The following LUZP2 variants were observed in gnomAD, a reference collection of about 807,000 sequenced individuals.
LUZP2 encodes leucine zipper protein 2.
In LUZP2, 52 loss-of-function variants were observed where a neutral mutation model predicts 51.6. The ratio of observed to expected loss-of-function variants is 1.01; its 90% confidence interval spans 0.81 to 1.27. LUZP2 has a LOEUF of 1.27. Among genes scored for constraint, LUZP2 ranks in the 50% most tolerant of loss-of-function variants. The pLI is 0.00. For missense variants in LUZP2, 436 were observed against 395.4 expected (o/e 1.10, Z -0.87); for synonymous variants, 154 against 137.3 (o/e 1.12, Z -0.85).
intron 1 of LUZP2, among the ~76,000 whole-genome samples, chr11:24,645,393 T>G (rs1855432811): frequency 6.6e-6 from 1 of 152,184 alleles, no homozygotes; most frequent in Non-Finnish European, 1.5e-5. Flanking sequence ...TGGTATTGAA[T>G]TATATGGTAT....
At chr11:24,937,923 G>GA (rs906306894) in intron 7 of LUZP2, among the ~76,000 whole-genome samples, 36 of 149,080 alleles carry the variant, frequency 2.4e-4, no homozygotes, top group Admixed American at 5.4e-4. Flanking sequence ...AAGAAAGAAA[G>GA]AAAAAAAAAT....
chr11:24,715,402 T>G (rs1858005827), intron 1 of LUZP2, among the ~76,000 whole-genome samples: 1 of 151,962 alleles, frequency 6.6e-6, no homozygotes, highest in African/African-American at 2.4e-5. Flanking sequence ...GACCATGCCC[T>G]TCAAGAGTTT....
chr11:24,643,593 G>T (rs77484761), intron 1 of LUZP2, among the ~76,000 whole-genome samples: 2,954 of 152,140 alleles, frequency 0.019, 98 homozygotes, highest in African/African-American at 0.068. Flanking sequence ...TAAGGCCTAC[G>T]CATCATGTAA....
intron 5 of LUZP2, among the ~76,000 whole-genome samples, chr11:24,808,216 C>A (rs1310128672): frequency 6.6e-6 from 1 of 152,118 alleles, no homozygotes; most frequent in East Asian, 1.9e-4. Flanking sequence ...AACATAGGTG[C>A]TAGCATCATG....
chr11:24,718,234 G>C (rs1332229858), intron 1 of LUZP2, among the ~76,000 whole-genome samples: 1 of 152,156 alleles, frequency 6.6e-6, no homozygotes, highest in Non-Finnish European at 1.5e-5. Flanking sequence ...GCTAATCTCA[G>C]AGTGGTTGTT....
intron 1 of LUZP2, among the ~76,000 whole-genome samples, chr11:24,595,207 A>G (rs959799185): frequency 2.7e-5 from 4 of 150,330 alleles, no homozygotes; most frequent in African/African-American, 9.8e-5. Context: ...TGTAGGTCAC[A>G]GTTTGCAAGC....
chr11:24,663,778 G>A (rs907431926), intron 1 of LUZP2, among the ~76,000 whole-genome samples: 46 of 152,170 alleles, frequency 3.0e-4, no homozygotes, highest in Admixed American at 5.2e-4. Flanking sequence ...CTATTCTCGT[G>A]CTAGTAAGTT....
At chr11:25,074,831 A>G (rs1414808310) in intron 10 of LUZP2, among the ~76,000 whole-genome samples, 1 of 152,182 alleles carries the variant, frequency 6.6e-6, no homozygotes, top group Non-Finnish European at 1.5e-5. Flanking sequence ...TTATGTGATC[A>G]GATCATTCAA....
intron 1 of LUZP2, among the ~76,000 whole-genome samples, chr11:24,627,946 T>C (rs1334545142): frequency 6.6e-6 from 1 of 152,166 alleles, no homozygotes; most frequent in Admixed American, 6.5e-5. Context: ...ATATTTTAAA[T>C]AGGCTAATCA....
intron 10 of LUZP2, among the ~76,000 whole-genome samples, chr11:25,059,097 A>ATT (rs1327761492): frequency 3.3e-5 from 5 of 152,134 alleles, no homozygotes; most frequent in South Asian, 2.1e-4. Context: ...TTTGTCATAA[A>ATT]TAGTTTTTGT....
chr11:24,515,257 G>T (rs1181003079), intron 1 of LUZP2, among the ~76,000 whole-genome samples: 2 of 151,960 alleles, frequency 1.3e-5, no homozygotes, highest in African/African-American at 4.8e-5. Flanking sequence ...GGAGAGAAGT[G>T]GTATTCTAGG....
intron 5 of LUZP2, among the ~76,000 whole-genome samples, chr11:24,841,444 G>A (rs1303952756): frequency 6.6e-6 from 1 of 152,006 alleles, no homozygotes; most frequent in African/African-American, 2.4e-5. Context: ...TAGGTCAGGT[G>A]GTAAGGGTCT....
chr11:24,541,909 GAA>G (rs5790411), intron 1 of LUZP2, among the ~76,000 whole-genome samples: 1,570 of 147,630 alleles, frequency 0.011, 24 homozygotes, highest in African/African-American at 0.037. Context: ...ATTTATATAA[GAA>G]AAAAAAAACA....
rs12278724 is a variant in LUZP2, at chr11:24,892,407, C to T, written c.397-13584C>T. On this transcript the variant is annotated intron_variant, in intron 5 of 11. Transcript: ENST00000336930. ...CTCTCAATTATACCCAGTGATGTCT[C>T]GATTAGCACTTATTATAAAAATTAA... is the stretch of plus-strand genomic sequence containing the variant. The T allele has an allele frequency of 2.4e-4, 234 of 982,366 alleles. No individual in the cohort carries two copies. The African/African-American group carries it at 3.8e-3, about 16-fold the overall frequency. 60.9% of individuals were successfully genotyped at this position (982,366 alleles called of 1,614,324 possible). A position where few individuals can be genotyped will look rare whatever the true frequency, so the allele number is the denominator to read the frequency against.
At chr11:24,964,657 A>T (rs1855529364) in intron 7 of LUZP2, among the ~76,000 whole-genome samples, 1 of 152,104 alleles carries the variant, frequency 6.6e-6, no homozygotes, top group South Asian at 2.1e-4. Context: ...CCTCCTAGCA[A>T]TTACTACCTC....
At chr11:24,504,527 T>A (rs1428871790) in intron 1 of LUZP2, among the ~76,000 whole-genome samples, 3 of 152,122 alleles carry the variant, frequency 2.0e-5, no homozygotes, top group Non-Finnish European at 4.4e-5. Context: ...AACAATAATA[T>A]CTAATATTTA....
chr11:24,934,480 C>G (rs1298674073), intron 7 of LUZP2, among the ~76,000 whole-genome samples: 2 of 152,034 alleles, frequency 1.3e-5, no homozygotes, highest in Non-Finnish European at 2.9e-5. Flanking sequence ...CCATAACTGC[C>G]AGGCTTATGG....
intron 1 of LUZP2, among the ~76,000 whole-genome samples, chr11:24,550,643 C>T (rs988385780): frequency 2.6e-5 from 4 of 152,074 alleles, no homozygotes; most frequent in African/African-American, 4.8e-5. Flanking sequence ...TGTCCTTCCT[C>T]AATGGATCTA....
intron 5 of LUZP2, among the ~76,000 whole-genome samples, chr11:24,870,575 G>A (rs1486722): frequency 0.15 from 22,453 of 151,828 alleles, 1,738 homozygotes; most frequent in African/African-American, 0.17. Flanking sequence ...TCTCTTAAAT[G>A]TGTAATTCCC....
Sources: allele counts gnomAD v4.1 joint callset (sites outside exome capture counted in the v4.1 genomes callset), GRCh38; gene constraint gnomAD v4.1.1; transcripts MANE v1.5; gene names NCBI Gene and HGNC (gene_info 2026-07-23, HGNC 2026-07-21).